The following XPO1 variants were observed in gnomAD, a reference collection of about 807,000 sequenced individuals.
XPO1 encodes exportin-1.
Under a neutral mutation model 133.3 loss-of-function variants are expected in XPO1, and 5 were observed. The ratio of observed to expected loss-of-function variants is 0.04; its 90% CI spans 0.02 to 0.08. XPO1 has a LOEUF of 0.08. XPO1 is among the 10% of genes least tolerant of loss of function. XPO1 has a pLI of 1.00. For missense variants in XPO1, 506 were observed against 1,267.5 expected (o/e 0.40, Z 9.12); for synonymous variants, 419 against 408.2 (o/e 1.03, Z -0.32).
chr2:61,501,196 T>C (rs951571975), intron 6 of XPO1, among the ~76,000 whole-genome samples: 5 of 152,202 alleles, frequency 3.3e-5, no homozygotes, highest in Non-Finnish European at 7.3e-5. Flanking sequence ...AGCTTGGATG[T>C]TTCTAAGTCT....
chr2:61,482,613 T>TTG (rs1696450655), intron 22 of XPO1, 74 bp from the exon 23 acceptor site: 1 of 93,810 alleles, frequency 1.1e-5, no homozygotes, highest in African/African-American at 3.8e-4. Flanking sequence ...TTTTGTTTTG[T>TTG]TTTTTTTTTT....
At chr2:61,517,317 G>T (rs1052860304) in intron 4 of XPO1, among the ~76,000 whole-genome samples, 1 of 152,144 alleles carries the variant, frequency 6.6e-6, no homozygotes, top group East Asian at 1.9e-4. Flanking sequence ...TAGGAGTGGT[G>T]ATATACCTGT....
intron 4 of XPO1, among the ~76,000 whole-genome samples, chr2:61,508,564 C>T (rs1697936971): frequency 6.6e-6 from 1 of 152,162 alleles, no homozygotes; most frequent in African/African-American, 2.4e-5. Context: ...TTAGAAGGTA[C>T]ACACCATCTG....
At chr2:61,523,492 A>C (rs780699042) in intron 3 of XPO1, among the ~76,000 whole-genome samples, 41 of 152,350 alleles carry the variant, frequency 2.7e-4, no homozygotes, top group African/African-American at 9.4e-4. Context: ...AGGAGTTACT[A>C]CCTGAATTAC....
rs563094932 is a variant in XPO1, at chr2:61,485,754, G to A, written c.2508+14C>T. 7 of 1,586,772 alleles carry A rather than the reference G, an allele frequency of 4.4e-6. No individual in the cohort carries two copies. Among genetic ancestry groups the A allele is most frequent in the South Asian group, 3.4e-5 (3 of 88,000 alleles). On this transcript the variant is annotated intron_variant, in intron 20 of 24. Transcript: ENST00000401558. Reference sequence around the variant, plus strand: ...TGCAGAATTTCCCCCTTACATAACTGAAATATTACACACCTTATTTATCAT... The same window carrying A: ...TGCAGAATTTCCCCCTTACATAACTAAAATATTACACACCTTATTTATCAT...
Position 61,477,852 on chromosome 2 carries a change from T to C in XPO1, c.*968A>G, listed in dbSNP as rs995016512. The C allele has an allele frequency of 8.1e-4, 156 of 193,516 alleles. No individual in the cohort carries two copies. Among genetic ancestry groups the C allele is most frequent in the Admixed American group, 4.3e-3 (70 of 16,346 alleles). 12.0% of individuals were successfully genotyped at this position (193,516 alleles called of 1,614,324 possible). On this transcript the variant is annotated 3_prime_UTR_variant, in exon 25 of 25. Coordinates refer to ENST00000401558, the MANE Select transcript of XPO1 (RefSeq NM_003400.4). ...TTGTTTGTAAATCAAGGGGTCCAAC[T>C]TCATTTAAAATGTTACTTGATGCTT...
intron 22 of XPO1, 158 bp downstream of exon 22, chr2:61,482,799 G>A: frequency 1.1e-6 from 1 of 873,456 alleles, no homozygotes; most frequent in Non-Finnish European, 1.7e-6. Context: ...TTTTTTTATG[G>A]TATTTTTAGT....
At chr2:61,481,360 G>T in intron 23 of XPO1, 79 bp from the exon 24 acceptor site, 1 of 1,058,094 alleles carries the variant, frequency 9.5e-7, no homozygotes, top group Non-Finnish European at 1.4e-6. Flanking sequence ...CCAGGCTGGA[G>T]TACAGTGGCA....
intron 4 of XPO1, among the ~76,000 whole-genome samples, chr2:61,515,937 C>CACACA (rs1553412670): frequency 5.4e-5 from 6 of 110,760 alleles, no homozygotes; most frequent in Non-Finnish European, 8.9e-5. Context: ...AAAAAAAAAA[C>CACACA]CACACACACA....
At chr2:61,532,167 G>A (rs1573230953) in intron 2 of XPO1, among the ~76,000 whole-genome samples, 2 of 151,846 alleles carry the variant, frequency 1.3e-5, no homozygotes, top group African/African-American at 4.8e-5. Flanking sequence ...TCATGCCGTT[G>A]CCCAGGCTGG....
intron 24 of XPO1, among the ~76,000 whole-genome samples, chr2:61,479,657 C>G (rs552203178): frequency 1.3e-3 from 198 of 152,254 alleles, no homozygotes; most frequent in South Asian, 8.3e-3. Context: ...CCTCTTCCTC[C>G]AAGATGCAAG....
chr2:61,511,995 C>T (rs1698122302), intron 4 of XPO1, among the ~76,000 whole-genome samples: 1 of 152,056 alleles, frequency 6.6e-6, no homozygotes, highest in Non-Finnish European at 1.5e-5. Flanking sequence ...GTCTCGAACT[C>T]CTGACCTCAG....
In XPO1 at chr2:61,501,914, C is replaced by G. The variant is rs1697545249; in HGVS notation, c.408+82G>C. ...ACTACTTCTGCAAAATATTAGTATA[C>G]TTTATTTCCTAAGTAGGTCGAACAT... On this transcript the variant is annotated intron_variant, in intron 6 of 24. Transcript: ENST00000401558. The G allele has an allele frequency of 2.0e-5, 24 of 1,204,774 alleles. No homozygotes were observed. The South Asian group carries it at 3.5e-4, about 18-fold the overall frequency. 74.6% of individuals were successfully genotyped at this position (1,204,774 alleles called of 1,614,324 possible).
At chr2:61,482,658 T>C in intron 22 of XPO1, 119 bp from the exon 23 acceptor site, 3 of 1,003,518 alleles carry the variant, frequency 3.0e-6, no homozygotes, top group Non-Finnish European at 4.2e-6. Flanking sequence ...CAAGCTGGAA[T>C]GCCGTGGCGC....
chr2:61,514,186 CA>C (rs745472954), intron 4 of XPO1, among the ~76,000 whole-genome samples: 59 of 113,766 alleles, frequency 5.2e-4, no homozygotes, highest in Admixed American at 7.4e-4. Context: ...GGCTCCGTCT[CA>C]AAAAAAAAAA....
At chr2:61,498,965 T>C (rs2104496194) in intron 7 of XPO1, 52 bp from the exon 8 acceptor site, 1 of 1,509,364 alleles carries the variant, frequency 6.6e-7, no homozygotes, top group South Asian at 1.3e-5. Context: ...CAGAAATAAG[T>C]ATCAGTTATC....
At chr2:61,494,944 C>A (rs1458340164) in intron 11 of XPO1, among the ~76,000 whole-genome samples, 2 of 151,846 alleles carry the variant, frequency 1.3e-5, no homozygotes, top group African/African-American at 2.4e-5. Context: ...TGGGCTAAAG[C>A]AATTCCTGTG....
At chr2:61,501,226 G>GT (rs895835798) in intron 6 of XPO1, among the ~76,000 whole-genome samples, 1 of 151,894 alleles carries the variant, frequency 6.6e-6, no homozygotes, top group Non-Finnish European at 1.5e-5. Context: ...AGAAATTACT[G>GT]TTTTTTCCCC....
intron 20 of XPO1, chr2:61,485,476 C>CCGA (rs1696639285): frequency 6.4e-6 from 1 of 156,352 alleles, no homozygotes; most frequent in Admixed American, 6.8e-5. Flanking sequence ...TCAAGTGACC[C>CCGA]CCCCCCCCAC....
Sources: gnomAD v4.1 joint callset for allele counts (sites outside exome capture counted in the v4.1 genomes callset) on GRCh38, gnomAD v4.1.1 for gene constraint, MANE v1.5 for transcripts, NCBI Gene and HGNC (gene_info 2026-07-23, HGNC 2026-07-21) for gene names.